The following ARPP21 variants were observed in gnomAD, a reference collection of about 807,000 sequenced individuals.
ARPP21 encodes the protein cAMP-regulated phosphoprotein 21.
A neutral mutation model predicts 113.2 loss-of-function variants in ARPP21; 69 were observed. The observed-to-expected ratio is 0.61, with a 90% CI of 0.50 to 0.74. ARPP21 has a LOEUF of 0.74. ARPP21 is among the 30% of genes least tolerant of loss of function. The pLI is 0.00. For missense variants in ARPP21, 1,070 were observed against 1,037.4 expected (o/e 1.03, Z -0.43); for synonymous variants, 368 against 375.5 (o/e 0.98, Z 0.23).
At position 35,760,185 on chromosome 3, in the gene ARPP21, G is replaced by T. The variant is rs77588998; in HGVS notation, c.2137+16220G>T. Among the ~76,000 whole-genome samples, 327 of 152,144 alleles carry T rather than the reference G, an allele frequency of 2.1e-3. 2 individuals carry two copies. Among genetic ancestry groups the T allele is most frequent in the African/African-American group, 7.7e-3 (319 of 41,510 alleles). Reference sequence around the variant, plus strand: ...CCAAAAGCTTTCCTTTCTCCCCCTTGTTGTCGTTGTTGGTTTGTAGCGACA... The same window carrying T: ...CCAAAAGCTTTCCTTTCTCCCCCTTTTTGTCGTTGTTGGTTTGTAGCGACA... On this transcript the variant is annotated intron_variant, in intron 19 of 20. Transcript: ENST00000684406.
chr3:35,657,308 A>G (rs1705451149), intron 1 of ARPP21, among the ~76,000 whole-genome samples: 1 of 152,110 alleles, frequency 6.6e-6, no homozygotes, highest in Non-Finnish European at 1.5e-5. Flanking sequence ...AAGGAAGCCC[A>G]TACCATTCTG....
At position 35,754,067 on chromosome 3, in the gene ARPP21, G is replaced by GAAGGA. The variant is rs2151135554; in HGVS notation, c.2137+10103_2137+10107dup. ...CCTTGGGGTTGGCTGGAGATGGGGA[G>GAAGGA]AAGGAGCATCAGAGCTGAAGAAAGA... On this transcript the variant is annotated intron_variant, in intron 19 of 20. Coordinates refer to ENST00000684406, the MANE Select transcript of ARPP21 (RefSeq NM_001385562.1). Among the ~76,000 whole-genome samples, 2 of 151,400 alleles carry GAAGGA rather than the reference G, an allele frequency of 1.3e-5. 1 individual carries two copies. The highest frequency in any genetic ancestry group is 4.2e-4 in the South Asian group (2 of 4,794).
At chr3:35,689,448 A>G (rs897073750) in intron 7 of ARPP21, 63 bp downstream of exon 7, 3 of 857,102 alleles carry the variant, frequency 3.5e-6, no homozygotes, top group Non-Finnish European at 6.0e-6. Context: ...AATCAAAGTT[A>G]TTAATCCAAC....
At chr3:35,651,497 G>T (rs1702372684) in intron 1 of ARPP21, among the ~76,000 whole-genome samples, 1 of 151,934 alleles carries the variant, frequency 6.6e-6, no homozygotes, top group South Asian at 2.1e-4. Context: ...CTTTAGCGCT[G>T]AAAGTAAGCA....
chr3:35,730,275 A>T (rs908924751), intron 15 of ARPP21, among the ~76,000 whole-genome samples: 1 of 152,222 alleles, frequency 6.6e-6, no homozygotes, highest in Non-Finnish European at 1.5e-5. Context: ...AACATCAGCC[A>T]ATGAACTCAG....
intron 1 of ARPP21, among the ~76,000 whole-genome samples, chr3:35,646,300 C>G (rs1165748308): frequency 1.3e-5 from 2 of 152,078 alleles, no homozygotes; most frequent in African/African-American, 4.8e-5. Context: ...ACAAAAAGTT[C>G]TAACATAGAG....
intron 8 of ARPP21, among the ~76,000 whole-genome samples, chr3:35,690,492 A>T (rs139385382): frequency 6.6e-6 from 1 of 151,508 alleles, no homozygotes; most frequent in Admixed American, 6.6e-5. Flanking sequence ...GTGCTGCTTC[A>T]GTATAAACCG....
intron 2 of ARPP21, chr3:35,681,415 T>C (rs567424585): frequency 1.5e-4 from 30 of 199,592 alleles, no homozygotes; most frequent in Non-Finnish European, 2.7e-4. Flanking sequence ...TCTTCTACTC[T>C]GTAGTGGAGA....
intron 14 of ARPP21, among the ~76,000 whole-genome samples, chr3:35,723,649 G>A (rs2093308055): frequency 6.6e-6 from 1 of 152,114 alleles, no homozygotes; most frequent in Admixed American, 6.6e-5. Flanking sequence ...CACCAAAAGA[G>A]CTCTTAAGAT....
intron 11 of ARPP21, among the ~76,000 whole-genome samples, chr3:35,711,507 T>G (rs1000952350): frequency 1.3e-5 from 2 of 152,176 alleles, no homozygotes; most frequent in African/African-American, 4.8e-5. Context: ...ATTTGTTGCC[T>G]TATAACAAAA....
At chr3:35,718,211 A>T (rs2092672651) in intron 13 of ARPP21, among the ~76,000 whole-genome samples, 1 of 152,154 alleles carries the variant, frequency 6.6e-6, no homozygotes. Context: ...TTTAGAACTC[A>T]TTATGAGTAA....
chr3:35,640,908 G>A (rs181561655), intron 1 of ARPP21: 1 of 152,148 alleles, frequency 6.6e-6, no homozygotes, highest in South Asian at 2.1e-4. Flanking sequence ...TGGTAGAATT[G>A]AGTTGAATTA....
At chr3:35,793,460 C>A (rs1376865826) in intron 20 of ARPP21, among the ~76,000 whole-genome samples, 1 of 152,190 alleles carries the variant, frequency 6.6e-6, no homozygotes. Context: ...GCACTGTACA[C>A]CATCCCTTCA....
intron 1 of ARPP21, among the ~76,000 whole-genome samples, chr3:35,654,490 C>G (rs1469809003): frequency 6.6e-6 from 1 of 152,074 alleles, no homozygotes; most frequent in Non-Finnish European, 1.5e-5. Context: ...ATGAAATTAT[C>G]CTTTCTAACT....
chr3:35,645,812 A>G (rs1699993372), intron 1 of ARPP21, among the ~76,000 whole-genome samples: 1 of 151,958 alleles, frequency 6.6e-6, no homozygotes, highest in Non-Finnish European at 1.5e-5. Flanking sequence ...TTTCCTTTTA[A>G]TTGCTAAGAT....
At chr3:35,680,588 A>G (rs778121591) in intron 2 of ARPP21, among the ~76,000 whole-genome samples, 5 of 151,958 alleles carry the variant, frequency 3.3e-5, no homozygotes, top group Non-Finnish European at 2.9e-5. Flanking sequence ...ACTCCCAAAG[A>G]AACATATTAA....
intron 14 of ARPP21, among the ~76,000 whole-genome samples, chr3:35,728,675 C>A (rs963334423): frequency 6.6e-6 from 1 of 152,162 alleles, no homozygotes; most frequent in South Asian, 2.1e-4. Context: ...CAATCACATT[C>A]TGCTAAACCA....
chr3:35,768,403 G>C (rs910034432), intron 19 of ARPP21, among the ~76,000 whole-genome samples: 3 of 151,992 alleles, frequency 2.0e-5, no homozygotes, highest in African/African-American at 7.2e-5. Flanking sequence ...CAGAAATATG[G>C]AACATTGGCT....
chr3:35,652,995 C>G lies in ARPP21; in HGVS notation c.-213+12597C>G, dbSNP rs546168134. On this transcript the variant is annotated intron_variant, in intron 1 of 20. Coordinates refer to ENST00000684406, the MANE Select transcript of ARPP21 (RefSeq NM_001385562.1). ...GTATTATTTGCTGAAGGCGCAGGGA[C>G]AGTGATAAGTGAAAAGTCAGTATTC... Among the ~76,000 whole-genome samples, 6 of 152,094 alleles carry G rather than the reference C, an allele frequency of 3.9e-5. No individual in the cohort carries two copies. In the South Asian group the frequency reaches 1.2e-3, roughly 32 times the overall value.
Sources: gnomAD v4.1 joint callset for allele counts (sites outside exome capture counted in the v4.1 genomes callset) on GRCh38, gnomAD v4.1.1 for gene constraint, MANE v1.5 for transcripts, NCBI Gene and HGNC (gene_info 2026-07-23, HGNC 2026-07-21) for gene names.